Variants in ATXN1 observed in about 807,000 individuals in gnomAD.
The protein encoded by ATXN1 is ataxin 1.
A neutral mutation model predicts 56.4 loss-of-function variants in ATXN1; 8 were observed. That is an observed-to-expected ratio of 0.14 (90% CI 0.08 to 0.26). The LOEUF is 0.26. Ranked by LOEUF, ATXN1 falls within the 10% of genes least tolerant of loss-of-function variation. The pLI is 1.00. For synonymous variants in ATXN1, 514 were observed against 494.6 expected, an observed-to-expected ratio of 1.04 and a Z score of -0.52; for missense variants, 987 against 1,106.5, an observed-to-expected ratio of 0.89 and a Z score of 1.53.
rs562196785 is a variant in ATXN1, at chr6:16,464,734, C to T, written c.-161+21238G>A. ...TTATGACATTTTGGAAAAGGCAAAG[C>T]TACAGGGATAGTAAAAAAAAAAAAA... On this transcript the variant is annotated intron_variant, in intron 6 of 7. Transcript: ENST00000436367. 2.1e-5 allele frequency among the ~76,000 whole-genome samples: 3 copies of T among 140,950 alleles called. No individual in the cohort carries two copies. In the South Asian group the frequency reaches 7.3e-4, roughly 34 times the overall value. 92.5% of individuals were successfully genotyped at this position (140,950 alleles called of 152,430 possible). A position where few individuals can be genotyped will look rare whatever the true frequency, so the allele number is the denominator to read the frequency against.
rs1561840205 is a variant in ATXN1, at chr6:16,299,755, A to G, written c.*6574T>C. ...GAAGGTCACCACAAATACTGACAGG[A>G]CTATCTTGAAACCTCCTTTCGGCTG... On this transcript the variant is annotated 3_prime_UTR_variant, in exon 8 of 8. Coordinates refer to ENST00000436367, the MANE Select transcript of ATXN1 (RefSeq NM_001128164.2). 1 of 152,686 alleles carries G rather than the reference A, an allele frequency of 6.5e-6. No homozygotes were observed. Among genetic ancestry groups the G allele is most frequent in the African/African-American group, 2.4e-5 (1 of 41,468 alleles). The allele number at this position is 152,686 out of a possible 1,614,324, so 9.5% of individuals were successfully genotyped here.
chr6:16,492,465 CAA>C (rs547153617), intron 5 of ATXN1, among the ~76,000 whole-genome samples: 1 of 145,444 alleles, frequency 6.9e-6, no homozygotes, highest in Non-Finnish European at 1.5e-5. Context: ...GATGCACACA[CAA>C]AAAAAAATAA....
intron 4 of ATXN1, among the ~76,000 whole-genome samples, chr6:16,533,129 C>T (rs891782665): frequency 6.6e-6 from 1 of 152,142 alleles, no homozygotes; most frequent in Non-Finnish European, 1.5e-5. Flanking sequence ...GAAGATGGAT[C>T]GTGGTGATGA....
chr6:16,494,847 G>A (rs948498041), intron 5 of ATXN1, among the ~76,000 whole-genome samples: 6 of 152,100 alleles, frequency 3.9e-5, no homozygotes, highest in Non-Finnish European at 5.9e-5. Context: ...TGTTCAACAC[G>A]CAGGTCCTTC....
At position 16,328,910 on chromosome 6, in the gene ATXN1, G is replaced by C. The variant is rs1215888903; in HGVS notation, c.-160-440C>G. Among the ~76,000 whole-genome samples the C allele has an allele frequency of 3.3e-5, 5 of 152,190 alleles. No homozygotes were observed. Among genetic ancestry groups the C allele is most frequent in the Admixed American group, 3.3e-4 (5 of 15,280 alleles). On this transcript the variant is annotated intron_variant, in intron 6 of 7. Transcript: ENST00000436367. The surrounding 1 kb of genome is among the most constrained non-coding windows in gnomAD (Gnocchi z 6.2). ...CCATTGTACTCCAGCCTGGGCAACAGAGCGACACTCTGTCTCCAAAAACGA... is the reference window on the plus strand; with the variant it reads ...CCATTGTACTCCAGCCTGGGCAACACAGCGACACTCTGTCTCCAAAAACGA...
At chr6:16,736,281 G>A (rs186703629) in intron 2 of ATXN1, among the ~76,000 whole-genome samples, 20 of 152,252 alleles carry the variant, frequency 1.3e-4, no homozygotes, top group Non-Finnish European at 2.5e-4. Flanking sequence ...GACAACTTTG[G>A]GAAATATATA....
At chr6:16,746,897 A>C (rs548373459) in intron 2 of ATXN1, among the ~76,000 whole-genome samples, 24 of 152,332 alleles carry the variant, frequency 1.6e-4, no homozygotes, top group African/African-American at 5.8e-4. Context: ...GAGATAGAAG[A>C]GTCCCGAGAG....
chr6:16,336,982 C>T (rs753474558), intron 6 of ATXN1, among the ~76,000 whole-genome samples: 37 of 152,212 alleles, frequency 2.4e-4, no homozygotes, highest in Non-Finnish European at 3.8e-4. Context: ...TTCGGGTGGT[C>T]GCTGGCTTGG....
At chr6:16,651,428 A>C (rs4276509) in intron 3 of ATXN1, among the ~76,000 whole-genome samples, 99,040 of 151,810 alleles carry the variant, frequency 0.65, 33,910 homozygotes, top group African/African-American at 0.88. Flanking sequence ...CCTGTAATCC[A>C]AGCTACTCAG....
intron 1 of ATXN1, among the ~76,000 whole-genome samples, chr6:16,758,750 G>T (rs943858359): frequency 6.6e-6 from 1 of 152,222 alleles, no homozygotes; most frequent in Non-Finnish European, 1.5e-5. Flanking sequence ...ACCACTGACA[G>T]GCAGCCAGGA....
At chr6:16,382,296 T>C (rs1284023328) in intron 6 of ATXN1, among the ~76,000 whole-genome samples, 1 of 143,466 alleles carries the variant, frequency 7.0e-6, no homozygotes, top group Non-Finnish European at 1.5e-5. Flanking sequence ...CGAGATTCCA[T>C]CTCAAAAAAA....
At chr6:16,701,412 T>C (rs900452702) in intron 2 of ATXN1, among the ~76,000 whole-genome samples, 1 of 152,192 alleles carries the variant, frequency 6.6e-6, no homozygotes, top group African/African-American at 2.4e-5. Context: ...TGTCTTTAAA[T>C]TCCTTTACAC....
intron 7 of ATXN1, among the ~76,000 whole-genome samples, chr6:16,311,205 A>C (rs1318864336): frequency 1.3e-5 from 2 of 152,260 alleles, no homozygotes; most frequent in East Asian, 3.8e-4. Flanking sequence ...AGTATGGAAT[A>C]GTATTGCTCT....
intron 5 of ATXN1, among the ~76,000 whole-genome samples, chr6:16,512,091 GA>G (rs1761093170): frequency 6.6e-6 from 1 of 152,196 alleles, no homozygotes; most frequent in African/African-American, 2.4e-5. Flanking sequence ...GTTGGCAACA[GA>G]ACACACAAAG....
chr6:16,323,751 G>A (rs1760738951), intron 7 of ATXN1, among the ~76,000 whole-genome samples: 1 of 151,950 alleles, frequency 6.6e-6, no homozygotes. Flanking sequence ...GAAAAGCAAT[G>A]ACTCTTCACT....
chr6:16,640,752 C>T (rs1192481750), intron 3 of ATXN1, among the ~76,000 whole-genome samples: 1 of 151,732 alleles, frequency 6.6e-6, no homozygotes, highest in Non-Finnish European at 1.5e-5. Context: ...GCTAAGCATT[C>T]AAGTGAAAGG....
intron 2 of ATXN1, among the ~76,000 whole-genome samples, chr6:16,678,774 G>A (rs1228439221): frequency 6.6e-6 from 1 of 152,186 alleles, no homozygotes; most frequent in Non-Finnish European, 1.5e-5. Context: ...GGTGGCTCAC[G>A]CCTGTAATCC....
chr6:16,385,449 G>T (rs190219555), intron 6 of ATXN1, among the ~76,000 whole-genome samples: 1 of 152,304 alleles, frequency 6.6e-6, no homozygotes, highest in East Asian at 1.9e-4. Context: ...GAGGCGGACA[G>T]GGGAGATGTC....
chr6:16,380,393 T>C (rs1758074151), intron 6 of ATXN1, among the ~76,000 whole-genome samples: 1 of 152,136 alleles, frequency 6.6e-6, no homozygotes, highest in Non-Finnish European at 1.5e-5. Flanking sequence ...CTATTTATTA[T>C]CTAATATTCT....
Sources: allele counts gnomAD v4.1 joint callset (sites outside exome capture counted in the v4.1 genomes callset), GRCh38; gene constraint gnomAD v4.1.1; non-coding constraint Gnocchi (gnomAD v3.1); transcripts MANE v1.5; gene names NCBI Gene and HGNC (gene_info 2026-07-23, HGNC 2026-07-21).